Variants in UPRT observed in about 807,000 individuals in gnomAD.
UPRT encodes uracil phosphoribosyltransferase homolog.
Under a neutral mutation model 22.6 loss-of-function variants are expected in UPRT, and 5 were observed. The ratio of observed to expected loss-of-function variants is 0.22; its 90% CI spans 0.12 to 0.47. The LOEUF is 0.47. Ranked by LOEUF, UPRT falls within the 20% of genes least tolerant of loss-of-function variation. The probability of loss-of-function intolerance (pLI) is 0.99; values close to 1 mark genes in which losing one functional copy is unlikely to be tolerated. For synonymous variants in UPRT, 77 were observed against 87.7 expected, an observed-to-expected ratio of 0.88 and a Z score of 0.68; for missense variants, 181 against 239.9, an observed-to-expected ratio of 0.75 and a Z score of 1.62.
intron 4 of UPRT, among the ~76,000 whole-genome samples, chrX:75,250,133 A>G (rs1033409043): frequency 1.9e-4 from 21 of 111,904 alleles, no homozygotes; most frequent in Non-Finnish European, 9.4e-5. Context: ...TGACACCCTA[A>G]CATCACAATT....
intron 6 of UPRT, among the ~76,000 whole-genome samples, chrX:75,301,406 T>C (rs1422243117): frequency 8.9e-6 from 1 of 111,933 alleles, no homozygotes; most frequent in Non-Finnish European, 1.9e-5. Flanking sequence ...CAGAGAGAAC[T>C]GTGTGTTCTC....
At chrX:75,252,852 C>T (rs761103384) in intron 4 of UPRT, among the ~76,000 whole-genome samples, 1 of 112,356 alleles carries the variant, frequency 8.9e-6, no homozygotes, top group East Asian at 2.8e-4. Context: ...CCATGGAATA[C>T]TATGCAGCCA....
At chrX:75,241,106 G>GA (rs57173177) in intron 4 of UPRT, among the ~76,000 whole-genome samples, 7 of 106,086 alleles carry the variant, frequency 6.6e-5, no homozygotes, top group African/African-American at 2.1e-4. Context: ...CTTCTGCACA[G>GA]AAAAAAAAAA....
At chrX:75,242,723 G>C (rs974104774) in intron 4 of UPRT, among the ~76,000 whole-genome samples, 8 of 111,013 alleles carry the variant, frequency 7.2e-5, no homozygotes, top group African/African-American at 2.6e-4. Flanking sequence ...ATATTGCATA[G>C]AAAATAGGGT....
intron 1 of UPRT, among the ~76,000 whole-genome samples, chrX:75,159,769 A>G (rs28440063): frequency 0.033 from 2,877 of 88,459 alleles, 114 homozygotes; most frequent in African/African-American, 0.11. Context: ...ACTTGCCTTA[A>G]ATTTTTTTTT....
chrX:75,179,164 G>C (rs916663482), intron 4 of UPRT, among the ~76,000 whole-genome samples: 28 of 110,052 alleles, frequency 2.5e-4, no homozygotes, highest in African/African-American at 9.3e-4. Flanking sequence ...CCTTGAGCTA[G>C]ACATAAAGGT....
intron 1 of UPRT, among the ~76,000 whole-genome samples, chrX:75,279,423 G>A (rs942979721): frequency 1.8e-5 from 2 of 111,114 alleles, no homozygotes; most frequent in African/African-American, 6.6e-5. Context: ...TAAGCTATAC[G>A]GACCTCTGTT....
At chrX:75,256,115 A>ATACT (rs1299151068) in intron 4 of UPRT, among the ~76,000 whole-genome samples, 1 of 111,981 alleles carries the variant, frequency 8.9e-6, no homozygotes, top group Non-Finnish European at 1.9e-5. Context: ...ATGATAAGCC[A>ATACT]CAAAAGGTGC....
intron 4 of UPRT, among the ~76,000 whole-genome samples, chrX:75,187,642 C>T (rs1392588783): frequency 3.6e-5 from 4 of 112,089 alleles, no homozygotes; most frequent in African/African-American, 9.7e-5. Flanking sequence ...CCATTCTCCC[C>T]GTCGCTTTCA....
intron 1 of UPRT, among the ~76,000 whole-genome samples, chrX:75,289,287 C>T (rs1011555375): frequency 9.0e-6 from 1 of 111,374 alleles, no homozygotes; most frequent in Admixed American, 9.5e-5. Context: ...ATCTGCAAAA[C>T]ACAGCTAAAA....
At chrX:75,194,598 C>T (rs993104689) in intron 4 of UPRT, among the ~76,000 whole-genome samples, 13 of 111,003 alleles carry the variant, frequency 1.2e-4, no homozygotes, top group African/African-American at 3.6e-4. Flanking sequence ...TCTCTATGCA[C>T]ATTTGCACTG....
chrX:75,223,120 C>T (rs1277157348), intron 4 of UPRT, among the ~76,000 whole-genome samples: 4 of 109,918 alleles, frequency 3.6e-5, no homozygotes, highest in Non-Finnish European at 5.7e-5. Context: ...AAAGGTGTGT[C>T]TCAAAATGTT....
At chrX:75,186,835 G>A (rs746606292) in intron 4 of UPRT, among the ~76,000 whole-genome samples, 2 of 111,408 alleles carry the variant, frequency 1.8e-5, no homozygotes, top group East Asian at 2.8e-4. Flanking sequence ...TCAGAGACTA[G>A]GATTGCAACC....
rs139945628 is a variant in UPRT at position 75,183,442 on chromosome X, T to C, written c.-447+15563T>C. Among the ~76,000 whole-genome samples, 496 of 111,907 alleles carry C rather than the reference T, an allele frequency of 4.4e-3. 2 individuals carry two copies. Among genetic ancestry groups the C allele is most frequent in the African/African-American group, 0.015 (476 of 30,803 alleles). On this transcript the variant is annotated intron_variant, in intron 4 of 13. Transcript: ENST00000652605. ...TATCATTATTGGACATATGGGTTGG[T>C]TCCAAGTCTTCGCTATTGTGAATAG...
intron 4 of UPRT, among the ~76,000 whole-genome samples, chrX:75,262,748 G>T (rs146251413): frequency 0.011 from 1,230 of 111,915 alleles, 9 homozygotes; most frequent in Non-Finnish European, 0.019. Context: ...GCAACAAGAA[G>T]AGCTAACTAT....
intron 4 of UPRT, among the ~76,000 whole-genome samples, chrX:75,231,121 C>T (rs1344460514): frequency 3.6e-5 from 4 of 111,478 alleles, no homozygotes; most frequent in African/African-American, 9.8e-5. Context: ...ATTGCAGATA[C>T]AGAATTCAGA....
intron 1 of UPRT, among the ~76,000 whole-genome samples, chrX:75,283,760 G>A (rs1183338709): frequency 1.8e-5 from 2 of 111,243 alleles, no homozygotes; most frequent in African/African-American, 3.3e-5. Context: ...ATAGCCCGAC[G>A]AAAATGTGCC....
chrX:75,233,817 G>C (rs1164399932), intron 4 of UPRT, among the ~76,000 whole-genome samples: 1 of 110,915 alleles, frequency 9.0e-6, no homozygotes, highest in Non-Finnish European at 1.9e-5. Flanking sequence ...ACCAATACCA[G>C]CTGCTGCAAA....
intron 3 of UPRT, among the ~76,000 whole-genome samples, chrX:75,166,142 A>C (rs2082212672): frequency 9.0e-6 from 1 of 111,382 alleles, no homozygotes; most frequent in Admixed American, 9.6e-5. Flanking sequence ...TCTTACAATA[A>C]TTTTGTCTGT....
Sources: gnomAD v4.1 joint callset for allele counts (sites outside exome capture counted in the v4.1 genomes callset) on GRCh38, gnomAD v4.1.1 for gene constraint, MANE v1.5 for transcripts, NCBI Gene and HGNC (gene_info 2026-07-23, HGNC 2026-07-21) for gene names.